DLG2: variants seen among roughly 807,000 people sequenced by gnomAD.
DLG2 encodes the protein discs large MAGUK scaffold protein 2.
DLG2 carries 45 observed loss-of-function variants against 132.5 expected under a neutral mutation model. That is an observed-to-expected ratio of 0.34 (90% CI 0.27 to 0.44). The LOEUF (loss-of-function observed/expected upper bound fraction) is 0.44. Among genes scored for constraint, DLG2 ranks in the 20% least tolerant of loss-of-function variants. DLG2 has a pLI of 1.00. For missense variants in DLG2, 1,045 were observed against 1,196.9 expected (o/e 0.87, Z 1.87); for synonymous variants, 424 against 419.6 (o/e 1.01, Z -0.13).
At chr11:83,484,716 G>A (rs1320202207) in intron 21 of DLG2, among the ~76,000 whole-genome samples, 1 of 152,076 alleles carries the variant, frequency 6.6e-6, no homozygotes, top group Non-Finnish European at 1.5e-5. Context: ...CTTTATTGGA[G>A]AAACTGGTTT....
At chr11:84,521,807 G>A (rs1258081967) in intron 7 of DLG2, among the ~76,000 whole-genome samples, 1 of 152,162 alleles carries the variant, frequency 6.6e-6, no homozygotes, top group Non-Finnish European at 1.5e-5. Flanking sequence ...ATTAAAAGCA[G>A]GTAATATGTC....
intron 7 of DLG2, among the ~76,000 whole-genome samples, chr11:84,284,214 A>C (rs1967241405): frequency 6.6e-6 from 1 of 152,220 alleles, no homozygotes; most frequent in South Asian, 2.1e-4. Context: ...AGCCTGGGCA[A>C]CAAGAGTGAA....
At position 84,197,689 on chromosome 11, in the gene DLG2, G is replaced by A. The variant is rs191905810; in HGVS notation, c.574-34178C>T. Among the ~76,000 whole-genome samples the A allele has an allele frequency of 3.2e-4, 49 of 152,242 alleles. No homozygotes were observed. The Middle Eastern group carries it at 0.01, about 32-fold the overall frequency. ...TGAAAGGGAAAACAATCTAAATGTTGACAACAAAGCGTGGCACATTACTGA... is the reference window on the plus strand; with the variant it reads ...TGAAAGGGAAAACAATCTAAATGTTAACAACAAAGCGTGGCACATTACTGA... On this transcript the variant is annotated intron_variant, in intron 8 of 27. Transcript: ENST00000376104.
intron 9 of DLG2, among the ~76,000 whole-genome samples, chr11:84,111,824 C>T (rs912162055): frequency 6.6e-6 from 1 of 152,128 alleles, no homozygotes; most frequent in Non-Finnish European, 1.5e-5. Context: ...TCCCATTTTC[C>T]ATTGGCTCCT....
chr11:85,386,729 GT>G (rs1329312913), intron 3 of DLG2, among the ~76,000 whole-genome samples: 1 of 150,736 alleles, frequency 6.6e-6, no homozygotes, highest in Non-Finnish European at 1.5e-5. Flanking sequence ...TTTTATTTCT[GT>G]TTGTAGCTGT....
At chr11:85,045,890 A>G (rs901920937) in intron 6 of DLG2, among the ~76,000 whole-genome samples, 16 of 152,076 alleles carry the variant, frequency 1.1e-4, no homozygotes, top group Non-Finnish European at 2.9e-5. Context: ...GATTTTAAAC[A>G]TCATTATCAC....
chr11:84,684,978 T>C (rs1269997820), intron 6 of DLG2, among the ~76,000 whole-genome samples: 1 of 152,244 alleles, frequency 6.6e-6, no homozygotes, highest in East Asian at 1.9e-4. Context: ...AGCGCTCTTT[T>C]ATTATTTGCA....
intron 6 of DLG2, among the ~76,000 whole-genome samples, chr11:84,963,339 G>C (rs1372579328): frequency 6.6e-6 from 1 of 152,128 alleles, no homozygotes; most frequent in Non-Finnish European, 1.5e-5. Flanking sequence ...TGTAATTTCA[G>C]AACAAAGACA....
intron 6 of DLG2, among the ~76,000 whole-genome samples, chr11:84,762,538 A>G (rs1273073446): frequency 1.3e-5 from 2 of 152,316 alleles, no homozygotes; most frequent in Middle Eastern, 3.4e-3. Flanking sequence ...ATATCAGTTA[A>G]TATAGTTTTT....
intron 17 of DLG2, among the ~76,000 whole-genome samples, chr11:83,788,447 G>C (rs1037853178): frequency 2.6e-5 from 4 of 152,180 alleles, no homozygotes; most frequent in Admixed American, 6.5e-5. Flanking sequence ...TACTACCTGA[G>C]ACTCAATTTT....
chr11:84,742,285 C>A (rs189636107), intron 6 of DLG2, among the ~76,000 whole-genome samples: 23 of 152,200 alleles, frequency 1.5e-4, no homozygotes, highest in Non-Finnish European at 4.4e-5. Flanking sequence ...ACATTCAGAT[C>A]CAAGAAGCTC....
At chr11:85,100,610 C>T (rs2070712903) in intron 6 of DLG2, among the ~76,000 whole-genome samples, 1 of 152,156 alleles carries the variant, frequency 6.6e-6, no homozygotes, top group African/African-American at 2.4e-5. Context: ...TGCCAATGCA[C>T]TGTTAATAAC....
At chr11:83,677,835 A>G (rs2078030469) in intron 18 of DLG2, among the ~76,000 whole-genome samples, 1 of 152,188 alleles carries the variant, frequency 6.6e-6, no homozygotes, top group Non-Finnish European at 1.5e-5. Flanking sequence ...ATGATGCACT[A>G]AACAGAAGGG....
At chr11:85,173,415 G>C (rs915636144) in intron 4 of DLG2, among the ~76,000 whole-genome samples, 1 of 152,134 alleles carries the variant, frequency 6.6e-6, no homozygotes, top group Non-Finnish European at 1.5e-5. Flanking sequence ...TCTCAGACAA[G>C]CAAATGCTGA....
At chr11:84,415,082 A>G (rs1298671015) in intron 7 of DLG2, among the ~76,000 whole-genome samples, 1 of 152,206 alleles carries the variant, frequency 6.6e-6, no homozygotes, top group African/African-American at 2.4e-5. Context: ...GCAGAGGATT[A>G]TGCAATGTGC....
chr11:83,820,855 A>T (rs1213650717), intron 17 of DLG2, among the ~76,000 whole-genome samples: 1 of 152,150 alleles, frequency 6.6e-6, no homozygotes, highest in African/African-American at 2.4e-5. Context: ...TTCATCCAGG[A>T]TTTCTCTCTT....
chr11:83,725,180 T>G, intron 18 of DLG2: 1 of 385,554 alleles, frequency 2.6e-6, no homozygotes, highest in Admixed American at 3.8e-5. Flanking sequence ...CTCTTTTTCT[T>G]TCTCTTCTCA....
At chr11:84,847,558 G>T (rs529242885) in intron 6 of DLG2, among the ~76,000 whole-genome samples, 1 of 152,226 alleles carries the variant, frequency 6.6e-6, no homozygotes, top group South Asian at 2.1e-4. Context: ...GGACTTGCTA[G>T]GTTGGAGAAG....
chr11:84,004,760 T>C (rs1188285373), intron 11 of DLG2, among the ~76,000 whole-genome samples: 2 of 151,260 alleles, frequency 1.3e-5, no homozygotes, highest in African/African-American at 4.8e-5. Flanking sequence ...TACAAAACAC[T>C]GATGAAAGAA....
Sources: gnomAD v4.1 joint callset for allele counts (sites outside exome capture counted in the v4.1 genomes callset) on GRCh38, gnomAD v4.1.1 for gene constraint, MANE v1.5 for transcripts, NCBI Gene and HGNC (gene_info 2026-07-23, HGNC 2026-07-21) for gene names.